The following GLB1L3 variants were observed in gnomAD, a reference collection of about 807,000 sequenced individuals.
GLB1L3 encodes the protein beta-galactosidase-1-like protein 3.
GLB1L3 carries 89 observed loss-of-function variants against 89.5 expected under a neutral mutation model. The observed-to-expected ratio is 0.99, with a 90% CI of 0.84 to 1.19. The LOEUF is 1.19. GLB1L3 is among the 50% of genes most tolerant of loss of function. The pLI is 0.00. For missense variants in GLB1L3, 812 were observed against 813.3 expected (o/e 1.00, Z 0.02); for synonymous variants, 314 against 312.3 (o/e 1.01, Z -0.06).
At chr11:134,288,590 C>G (rs759610320) in intron 6 of GLB1L3, among the ~76,000 whole-genome samples, 8 of 152,158 alleles carry the variant, frequency 5.3e-5, no homozygotes, top group Non-Finnish European at 1.0e-4. Flanking sequence ...CAGTTACGTA[C>G]TGTAACGCAC....
downstream of GLB1L3, among the ~76,000 whole-genome samples, chr11:134,324,332 G>A (rs143212013): frequency 1.9e-3 from 293 of 152,238 alleles, 2 homozygotes; most frequent in African/African-American, 6.8e-3. Flanking sequence ...ACATATTTTA[G>A]TAGCATGTTT....
intron 6 of GLB1L3, among the ~76,000 whole-genome samples, chr11:134,285,912 T>G (rs961877464): frequency 2.7e-5 from 4 of 150,900 alleles, no homozygotes; most frequent in Non-Finnish European, 5.9e-5. Flanking sequence ...AGTTCTGTTT[T>G]TTTTTTTTTT....
chr11:134,298,473 T>C (rs780570318), intron 9 of GLB1L3, among the ~76,000 whole-genome samples: 5 of 152,192 alleles, frequency 3.3e-5, no homozygotes, highest in Non-Finnish European at 7.3e-5. Flanking sequence ...ATTACTGATA[T>C]GGTTTGGCTG....
chr11:134,277,295 C>G, intron 1 of GLB1L3, 31 bp from the exon 2 acceptor site: 1 of 1,613,582 alleles, frequency 6.2e-7, no homozygotes, highest in Non-Finnish European at 8.5e-7. Flanking sequence ...CGGAACCTTC[C>G]CCTTGTCACT....
chr11:134,318,750 A>C lies in GLB1L3; in HGVS notation c.1896+3A>C. 6.3e-7 allele frequency: 1 copy of C among 1,586,128 alleles called. No individual in the cohort carries two copies. The highest frequency in any genetic ancestry group is 1.1e-5 in the South Asian group (1 of 90,144). On this transcript the variant is annotated splice_donor_region_variant and intron_variant, in intron 19 of 19. Transcript: ENST00000431683. ...GGCTTCATCCAGAAGACAATGAGGT[A>C]TGTCACTCCAGTCTCTGCCTTGAGA... is the stretch of plus-strand genomic sequence containing the variant.
intron 9 of GLB1L3, among the ~76,000 whole-genome samples, chr11:134,299,400 A>T (rs967752308): frequency 2.0e-5 from 3 of 152,176 alleles, no homozygotes; most frequent in Non-Finnish European, 4.4e-5. Context: ...CATGCATAGG[A>T]CATAGATACT....
intron 11 of GLB1L3, chr11:134,310,311 G>A (rs993852582): frequency 7.1e-5 from 37 of 519,070 alleles, no homozygotes; most frequent in Non-Finnish European, 1.2e-4. Context: ...CCCATGAGCT[G>A]TGGGTTGAAC....
In GLB1L3 at chr11:134,282,044, G is replaced by A. The variant is rs775041299; in HGVS notation, c.451G>A (p.Ala151Thr). The A allele has an allele frequency of 1.8e-5, 28 of 1,569,166 alleles. No individual in the cohort carries two copies. The highest frequency in any genetic ancestry group is 6.9e-5 in the East Asian group (3 of 43,714). Residue 151 changes from alanine (A) to threonine (T), a missense_variant, in exon 5 of 20, where the codon GCA (alanine) becomes ACA (threonine). By Grantham distance (58) the Ala-to-Thr change is moderately conservative. Transcript: ENST00000431683. ...CCCTAGGGCCTTCGTCCTGATGGCC[G>A]CAGAGATCGGGCTGTGGGTGATTCT... ...LDLEAFVLMA[A>T]EIGLWVILRP...
downstream of GLB1L3, among the ~76,000 whole-genome samples, chr11:134,324,214 T>C (rs2136245036): frequency 6.6e-6 from 1 of 152,338 alleles, no homozygotes; most frequent in South Asian, 2.1e-4. Context: ...CGTACCCAAC[T>C]TTAAGGCAAC....
Position 134,292,113 on chromosome 11 carries a change from T to C in GLB1L3, c.730-19T>C. 6.3e-7 allele frequency: 1 copy of C among 1,599,046 alleles called. No individual in the cohort carries two copies. The highest frequency in any genetic ancestry group is 1.3e-5 in the African/African-American group (1 of 74,756). The stretch of plus-strand genomic sequence containing the variant: ...GGGAATGAGGGAATTGGGTTCATTT[T>C]GGTTAATTTTCTCAACAGGCCCTGC... On this transcript the variant is annotated intron_variant, in intron 7 of 19. Transcript: ENST00000431683.
intron 6 of GLB1L3, among the ~76,000 whole-genome samples, chr11:134,288,281 G>A (rs959045): frequency 2.0e-5 from 3 of 152,152 alleles, no homozygotes; most frequent in South Asian, 2.1e-4. Context: ...GGGAAGAGGG[G>A]AACATTCCTG....
intron 7 of GLB1L3, among the ~76,000 whole-genome samples, chr11:134,290,670 C>T (rs1344943335): frequency 6.6e-6 from 1 of 150,544 alleles, no homozygotes; most frequent in Non-Finnish European, 1.5e-5. Flanking sequence ...GCACAGGAGA[C>T]GCACAGCCAG....
At chr11:134,301,220 T>G (rs1941933899) in intron 9 of GLB1L3, among the ~76,000 whole-genome samples, 3 of 152,200 alleles carry the variant, frequency 2.0e-5, no homozygotes, top group African/African-American at 7.2e-5. Flanking sequence ...CTCTGTGACC[T>G]AGGTTCTCTG....
At position 134,311,111 on chromosome 11, in the gene GLB1L3, C is replaced by T. The variant is rs370128549; in HGVS notation, c.1228C>T (p.Pro410Ser). 1.9e-6 allele frequency: 3 copies of T among 1,613,606 alleles called. No homozygotes were observed. Among genetic ancestry groups the T allele is most frequent in the Non-Finnish European group, 2.5e-6 (3 of 1,179,778 alleles). The stretch of plus-strand genomic sequence containing the variant: ...CAAACTTCCTCCCAAGGCTGTGTAT[C>T]CCCCCGTGAGACCGTCGCTGTACCT... ...VPKLPPKAVY[P>S]PVRPSLYLPL... The change falls in exon 13 of 20, where the codon CCC becomes TCC. Residue 410 changes from proline (P) to serine (S), a missense_variant. This residue lies in a region of GLB1L3 where 618 missense variants were observed against 604.0 expected (regional missense o/e 1.02). Transcript: ENST00000431683.
intron 3 of GLB1L3, among the ~76,000 whole-genome samples, chr11:134,278,702 A>C (rs929322302): frequency 2.6e-5 from 4 of 152,236 alleles, no homozygotes; most frequent in Admixed American, 6.5e-5. Context: ...AAAGGAGAAG[A>C]TGCTTAGAGG....
rs1191281529 is a variant in GLB1L3, at chr11:134,308,454, ACC to A, written c.962-1171_962-1170del. 3.2e-4 allele frequency among the ~76,000 whole-genome samples: 12 copies of A among 37,042 alleles called. No individual in the cohort carries two copies. The South Asian group carries it at 6.4e-3, about 20-fold the overall frequency. 24.3% of individuals were successfully genotyped at this position (37,042 alleles called of 152,430 possible). ...CACCACCACCACCACCATCACCACC[ACC>A]ACCACCACCACCACCAAATACCACC... On this transcript the variant is annotated intron_variant, in intron 10 of 19. Transcript: ENST00000431683.
intron 7 of GLB1L3, among the ~76,000 whole-genome samples, chr11:134,291,119 C>T (rs1941331244): frequency 6.6e-6 from 1 of 152,142 alleles, no homozygotes; most frequent in African/African-American, 2.4e-5. Flanking sequence ...GAACCATGCT[C>T]TGTTTAGTTT....
rs143404945 is a variant in GLB1L3 at position 134,279,847 on chromosome 11, G to A, written c.363-1530G>A. Among the ~76,000 whole-genome samples the A allele has an allele frequency of 4.5e-3, 689 of 151,482 alleles. 3 individuals carry two copies. Among genetic ancestry groups the A allele is most frequent in the African/African-American group, 0.016 (657 of 41,298 alleles). ...TTTGTTAGTACTCTCTGTATATTTC[G>A]GATCTGTATTTCACAGTTTCTGAGT... On this transcript the variant is annotated intron_variant, in intron 3 of 19. Coordinates refer to ENST00000431683, the MANE Select transcript of GLB1L3 (RefSeq NM_001080407.3).
intron 18 of GLB1L3, among the ~76,000 whole-genome samples, chr11:134,316,579 T>A (rs879842786): frequency 6.6e-6 from 1 of 152,200 alleles, no homozygotes; most frequent in Non-Finnish European, 1.5e-5. Flanking sequence ...GCACTTCACC[T>A]GTAGGTGCTT....
Sources: allele counts gnomAD v4.1 joint callset (sites outside exome capture counted in the v4.1 genomes callset), GRCh38; gene constraint gnomAD v4.1.1; regional missense constraint gnomAD v4.1.1; transcripts MANE v1.5; gene names NCBI Gene and HGNC (gene_info 2026-07-23, HGNC 2026-07-21).